Variants in MYO1H observed in about 807,000 individuals in gnomAD.
MYO1H encodes the protein myosin IH, also known as unconventional myosin-Ih.
MYO1H carries 118 observed loss-of-function variants against 149.3 expected under a neutral mutation model. The ratio of observed to expected loss-of-function variants is 0.79; its 90% confidence interval spans 0.68 to 0.92. The LOEUF is 0.92. MYO1H is among the 40% of genes least tolerant of loss of function. MYO1H has a pLI of 0.00. For synonymous variants in MYO1H, 447 were observed against 465.2 expected (o/e 0.96, Z 0.50); for missense variants, 1,212 against 1,280.7 (o/e 0.95, Z 0.82).
chr12:109,339,326 T>C, the MYO1H span, among the ~76,000 whole-genome samples: 3 of 152,134 alleles, frequency 2.0e-5, no homozygotes, highest in African/African-American at 7.2e-5. Context: ...GATAGCACCA[T>C]TGCACTGCAC....
At chr12:109,403,954 T>A (rs1350127260) in intron 6 of MYO1H, 28 bp from the exon 7 acceptor site, 1 of 1,527,718 alleles carries the variant, frequency 6.5e-7, no homozygotes, top group South Asian at 1.1e-5. Flanking sequence ...AAAAATGACA[T>A]TAAGTGACTC....
chr12:109,352,710 T>C (rs1351491954), intron 1 of MYO1H, among the ~76,000 whole-genome samples: 3 of 152,234 alleles, frequency 2.0e-5, no homozygotes, highest in Non-Finnish European at 4.4e-5. Context: ...TTTTCATCTA[T>C]CTATCCCTGT....
the MYO1H span, among the ~76,000 whole-genome samples, chr12:109,331,443 C>T: frequency 6.6e-6 from 1 of 150,506 alleles, no homozygotes; most frequent in Non-Finnish European, 1.5e-5. Flanking sequence ...TGGGCCGAAT[C>T]CCTTGAGAGA....
intron 16 of MYO1H, among the ~76,000 whole-genome samples, chr12:109,422,473 T>C (rs1164949794): frequency 6.6e-6 from 1 of 152,202 alleles, no homozygotes; most frequent in Non-Finnish European, 1.5e-5. Flanking sequence ...GTCCGCCTCA[T>C]GGAGTAGCTG....
At chr12:109,335,181 G>A in the MYO1H span, among the ~76,000 whole-genome samples, 2 of 152,098 alleles carry the variant, frequency 1.3e-5, no homozygotes, top group African/African-American at 4.8e-5. Flanking sequence ...AATCTGAGTG[G>A]TTTCTGATTT....
the MYO1H span, among the ~76,000 whole-genome samples, chr12:109,322,676 T>C: frequency 6.6e-6 from 1 of 151,724 alleles, no homozygotes; most frequent in Non-Finnish European, 1.5e-5. Context: ...AAAAATTAGC[T>C]GGGTGTGGTG....
At chr12:109,444,648 C>G in intron 30 of MYO1H, 119 bp downstream of exon 30, 1 of 766,350 alleles carries the variant, frequency 1.3e-6, no homozygotes, top group Non-Finnish European at 2.2e-6. Flanking sequence ...GAGCAGATAA[C>G]TTGAGGCTAG....
chr12:109,387,829 C>T (rs536767106), intron 1 of MYO1H, among the ~76,000 whole-genome samples: 1 of 152,314 alleles, frequency 6.6e-6, no homozygotes, highest in East Asian at 1.9e-4. Context: ...GCACACCTGC[C>T]CTCTGGCCGC....
intron 1 of MYO1H, among the ~76,000 whole-genome samples, chr12:109,363,541 C>T (rs1403608100): frequency 6.6e-6 from 1 of 152,054 alleles, no homozygotes; most frequent in Non-Finnish European, 1.5e-5. Context: ...GGTGAAACCC[C>T]AACTCTACTA....
chr12:109,349,792 C>T (rs1210358513), intron 1 of MYO1H, among the ~76,000 whole-genome samples: 2 of 151,234 alleles, frequency 1.3e-5, no homozygotes, highest in East Asian at 1.9e-4. Context: ...AACCCCGTCT[C>T]TACTAAAAAT....
intron 9 of MYO1H, among the ~76,000 whole-genome samples, chr12:109,407,503 T>A (rs920371472): frequency 2.0e-5 from 3 of 151,640 alleles, no homozygotes; most frequent in African/African-American, 7.3e-5. Flanking sequence ...GTGTGGTGGC[T>A]TATACCTGTA....
rs1352949443 is a variant in MYO1H, at chr12:109,429,965, C to T, written c.1949+2379C>T. ...TCCTTGTTTGTAGATGGTGCCTTCT[C>T]GCTGTGTCTTCACATAGTTGATGAT... On this transcript the variant is annotated intron_variant, in intron 19 of 31. Coordinates refer to ENST00000310903, the Ensembl canonical transcript of MYO1H. 5.9e-5 allele frequency among the ~76,000 whole-genome samples: 9 copies of T among 152,224 alleles called. No homozygotes were observed. The East Asian group carries it at 9.6e-4, about 16-fold the overall frequency.
the MYO1H span, among the ~76,000 whole-genome samples, chr12:109,328,196 GT>G: frequency 2.0e-4 from 30 of 150,630 alleles, no homozygotes; most frequent in African/African-American, 6.1e-4. Context: ...ATTTACCTTA[GT>G]TTTTTTAAAT....
intron 1 of MYO1H, among the ~76,000 whole-genome samples, chr12:109,351,831 A>G (rs1490157593): frequency 6.6e-6 from 1 of 152,332 alleles, no homozygotes; most frequent in East Asian, 1.9e-4. Context: ...AGATGCCACA[A>G]AATTATTTCA....
intron 1 of MYO1H, among the ~76,000 whole-genome samples, chr12:109,377,800 C>A (rs1394295890): frequency 6.6e-6 from 1 of 152,082 alleles, no homozygotes; most frequent in Admixed American, 6.5e-5. Context: ...AACCAATAAG[C>A]TTTGTATAAA....
chr12:109,445,645 G>C, intron 31 of MYO1H, 33 bp downstream of exon 31: 2 of 1,594,998 alleles, frequency 1.3e-6, no homozygotes, highest in African/African-American at 1.4e-5. Context: ...GAAGTAAGCC[G>C]TTTTAGATGA....
At chr12:109,446,962 A>C (rs891745909) in intron 31 of MYO1H, 197 bp from the exon 32 acceptor site, 10 of 630,888 alleles carry the variant, frequency 1.6e-5, no homozygotes, top group Non-Finnish European at 2.3e-5. Context: ...TTCCTCCCTG[A>C]CTGGTTCTGG....
chr12:109,377,458 A>G (rs1302014399), intron 1 of MYO1H, among the ~76,000 whole-genome samples: 1 of 152,156 alleles, frequency 6.6e-6, no homozygotes, highest in African/African-American at 2.4e-5. Flanking sequence ...ACTCACCCTG[A>G]GGGAGGGCAT....
At chr12:109,346,721 C>T (rs2048103801), upstream of MYO1H, among the ~76,000 whole-genome samples, 1 of 152,028 alleles carries the variant, frequency 6.6e-6, no homozygotes. Flanking sequence ...GAGATCCTGC[C>T]ATTGTGCTCC....
Sources: gnomAD v4.1 joint callset for allele counts (sites outside exome capture counted in the v4.1 genomes callset) on GRCh38, gnomAD v4.1.1 for gene constraint, MANE v1.5 for transcripts, NCBI Gene and HGNC (gene_info 2026-07-23, HGNC 2026-07-21) for gene names.